RAD17: variants seen among roughly 807,000 people sequenced by gnomAD.
The protein encoded by RAD17 is cell cycle checkpoint protein RAD17.
A neutral mutation model predicts 81.5 loss-of-function variants in RAD17; 31 were observed. The observed-to-expected ratio is 0.38, with a 90% CI of 0.29 to 0.51. The LOEUF (loss-of-function observed/expected upper bound fraction) is 0.51. Among genes scored for constraint, RAD17 ranks in the 20% least tolerant of loss-of-function variants. The pLI, the probability that RAD17 is intolerant of heterozygous loss-of-function variation, is 0.88. For missense variants in RAD17, 681 were observed against 781.2 expected, an observed-to-expected ratio of 0.87 and a Z score of 1.53; for synonymous variants, 261 against 266.2, an observed-to-expected ratio of 0.98 and a Z score of 0.19.
intron 16 of RAD17, among the ~76,000 whole-genome samples, chr5:69,398,773 T>A (rs1376979663): frequency 6.9e-6 from 1 of 145,580 alleles, no homozygotes; most frequent in Non-Finnish European, 1.5e-5. Flanking sequence ...GCCACTGCAC[T>A]CCAGCCTAGG....
intron 11 of RAD17, among the ~76,000 whole-genome samples, chr5:69,388,258 G>A (rs986474032): frequency 2.0e-5 from 3 of 151,990 alleles, no homozygotes; most frequent in Non-Finnish European, 2.9e-5. Flanking sequence ...AGAAATAATT[G>A]GTGTAATTAT....
chr5:69,404,800 G>A (rs1003558022), intron 17 of RAD17, among the ~76,000 whole-genome samples: 1 of 152,022 alleles, frequency 6.6e-6, no homozygotes, highest in African/African-American at 2.4e-5. Context: ...AAATTAGCCG[G>A]GTGTAGTGGC....
At chr5:69,408,702 C>T (rs1561277140) in intron 17 of RAD17, among the ~76,000 whole-genome samples, 2 of 151,658 alleles carry the variant, frequency 1.3e-5, no homozygotes, top group Admixed American at 1.3e-4. Flanking sequence ...GTAGAGATGG[C>T]GTTTCACCAT....
intron 1 of RAD17, 180 bp from the exon 2 acceptor site, chr5:69,370,855 G>T: frequency 4.3e-6 from 1 of 232,392 alleles, no homozygotes; most frequent in Non-Finnish European, 8.7e-6. Context: ...CAATGTATAA[G>T]TTTGTAGACC....
intron 16 of RAD17, among the ~76,000 whole-genome samples, chr5:69,396,956 C>T (rs1386793407): frequency 6.6e-6 from 1 of 152,078 alleles, no homozygotes; most frequent in Non-Finnish European, 1.5e-5. Flanking sequence ...CCTCAGCCTC[C>T]CAGGTAGCTG....
rs1384767128 is a variant in RAD17, at chr5:69,410,540, C to T, written c.1741C>T (p.His581Tyr). ...TATTGGAAGGCTCCCTCTGAAGCGA[C>T]ACTTTGGAAGGTAAGCTGATCATCT... ...QDIGRLPLKRHFGRLKMEALT... is the reference protein window; with the variant it reads ...QDIGRLPLKRYFGRLKMEALT... Residue 581 changes from histidine to tyrosine, a missense_variant, in exon 18 of 19, where the codon CAC becomes TAC. Transcript: ENST00000354868. The T allele has an allele frequency of 6.2e-7, 1 of 1,613,044 alleles. No individual in the cohort carries two copies. Among genetic ancestry groups the T allele is most frequent in the African/African-American group, 1.3e-5 (1 of 74,882 alleles).
chr5:69,372,431 T>G (rs983553506), intron 4 of RAD17, among the ~76,000 whole-genome samples: 5 of 152,190 alleles, frequency 3.3e-5, no homozygotes, highest in African/African-American at 1.2e-4. Context: ...AGCTCAACTG[T>G]GGCTGAGTAT....
intron 17 of RAD17, among the ~76,000 whole-genome samples, chr5:69,401,124 C>T (rs1485441769): frequency 1.3e-5 from 2 of 152,196 alleles, no homozygotes; most frequent in South Asian, 2.1e-4. Flanking sequence ...GCAGGAGAAC[C>T]TTCAACCCCG....
chr5:69,377,090 G>T (rs542315700), intron 6 of RAD17, among the ~76,000 whole-genome samples: 2 of 152,056 alleles, frequency 1.3e-5, no homozygotes, highest in South Asian at 4.2e-4. Flanking sequence ...TTTCTCTCTG[G>T]CCTGTGGATC....
intron 17 of RAD17, among the ~76,000 whole-genome samples, chr5:69,401,304 T>A (rs1309973860): frequency 1.3e-5 from 2 of 152,234 alleles, no homozygotes; most frequent in East Asian, 3.8e-4. Flanking sequence ...CAGATACTCT[T>A]CTGTGGATGT....
At position 69,402,402 on chromosome 5, in the gene RAD17, ACGC is replaced by A. The variant is rs557615814; in HGVS notation, c.1693+2235_1693+2237del. Among the ~76,000 whole-genome samples, 461 of 152,052 alleles carry A rather than the reference ACGC, an allele frequency of 3.0e-3. 2 individuals are homozygous for A. The highest frequency in any genetic ancestry group is 0.011 in the African/African-American group (441 of 41,514). ...TATTTCAGGCTGGGCGCAGTGGTTC[ACGC>A]CTGTAATCCCAACACTTTGGGAGGC... On this transcript the variant is annotated intron_variant, in intron 17 of 18. Coordinates refer to ENST00000354868, the MANE Select transcript of RAD17 (RefSeq NM_133338.3).
At chr5:69,410,264 C>T (rs1427953506) in intron 17 of RAD17, among the ~76,000 whole-genome samples, 1 of 152,176 alleles carries the variant, frequency 6.6e-6, no homozygotes, top group Non-Finnish European at 1.5e-5. Flanking sequence ...ATTTTACATT[C>T]CCATGAGCAA....
chr5:69,390,661 CTAA>C (rs1472997656), intron 12 of RAD17, among the ~76,000 whole-genome samples: 1 of 151,922 alleles, frequency 6.6e-6, no homozygotes, highest in Non-Finnish European at 1.5e-5. Flanking sequence ...CATTAACTGT[CTAA>C]TAATAATTGG....
Position 69,369,878 on chromosome 5 carries a change from G to A in RAD17, c.-472G>A. ...GGCCAGGTGGCTGCCCTTTCACCTA[G>A]GGTAGTCCCTGGTCGCCTCCGCTCT... On this transcript the variant is annotated 5_prime_UTR_variant, in exon 1 of 19. Transcript: ENST00000354868. 2 of 631,390 alleles carry A rather than the reference G, an allele frequency of 3.2e-6. No homozygotes were observed. The highest frequency in any genetic ancestry group is 2.7e-6 in the Non-Finnish European group (1 of 365,528). The allele number at this position is 631,390 out of a possible 1,614,324, so 39.1% of individuals were successfully genotyped here.
intron 7 of RAD17, 138 bp downstream of exon 7, chr5:69,382,195 T>C: frequency 2.1e-6 from 2 of 970,188 alleles, no homozygotes; most frequent in Admixed American, 2.8e-5. Flanking sequence ...CCAGGTGCGA[T>C]GGCTGTCACA....
chr5:69,404,995 TG>T (rs1765500703), intron 17 of RAD17, among the ~76,000 whole-genome samples: 1 of 152,046 alleles, frequency 6.6e-6, no homozygotes, highest in Non-Finnish European at 1.5e-5. Context: ...AAAAGGTATA[TG>T]AAAAACTGCT....
rs994643616 is a variant in RAD17 at position 69,371,442 on chromosome 5, C to A, written c.-279-12C>A. The A allele has an allele frequency of 2.8e-5, 13 of 469,496 alleles. No individual in the cohort carries two copies. Among genetic ancestry groups the A allele is most frequent in the East Asian group, 2.0e-4 (4 of 20,024 alleles). 29.1% of individuals were successfully genotyped at this position (469,496 alleles called of 1,614,324 possible). A position where few individuals can be genotyped will look rare whatever the true frequency, so the allele number is the denominator to read the frequency against. On this transcript the variant is annotated splice_polypyrimidine_tract_variant and intron_variant, in intron 2 of 18. Coordinates refer to ENST00000354868, the MANE Select transcript of RAD17 (RefSeq NM_133338.3). ...TCTTCATTTGAGGGCTTCTTCCCCCCCCCCCCCCCAGGTGAATTATAGTTT... is the reference window on the plus strand; with the variant it reads ...TCTTCATTTGAGGGCTTCTTCCCCCACCCCCCCCCAGGTGAATTATAGTTT...
intron 18 of RAD17, among the ~76,000 whole-genome samples, chr5:69,410,965 C>CTGTACATATATATATA (rs35777347): frequency 2.2e-5 from 2 of 90,264 alleles, no homozygotes; most frequent in East Asian, 3.5e-4. Flanking sequence ...AGATGTCTGT[C>CTGTACATATATATATA]TATATATATA....
Position 69,389,458 on chromosome 5 carries a change from T to TAA in RAD17, c.1006+313_1006+314insAA, listed in dbSNP as rs754924871. Reference sequence around the variant, plus strand: ...TAGGCCTATGCAGGTGACTCTTATCTTTCTGTGCCTCTGTTTTCTCACCTT... The same window carrying TAA: ...TAGGCCTATGCAGGTGACTCTTATCTAATTCTGTGCCTCTGTTTTCTCACCTT... On this transcript the variant is annotated intron_variant, in intron 12 of 18. Transcript: ENST00000354868. 4.9e-4 allele frequency among the ~76,000 whole-genome samples: 75 copies of TAA among 152,316 alleles called. 1 individual carries two copies. The highest frequency in any genetic ancestry group is 1.2e-3 in the Admixed American group (18 of 15,298).
Sources: allele counts gnomAD v4.1 joint callset (sites outside exome capture counted in the v4.1 genomes callset), GRCh38; gene constraint gnomAD v4.1.1; transcripts MANE v1.5; gene names NCBI Gene and HGNC (gene_info 2026-07-23, HGNC 2026-07-21).